SYNPR: variants seen among roughly 807,000 people sequenced by gnomAD.
SYNPR encodes the protein synaptoporin.
Under a neutral mutation model 32.9 loss-of-function variants are expected in SYNPR, and 23 were observed. That is an observed-to-expected ratio of 0.70 (90% CI 0.50 to 0.99). The LOEUF is 0.99. Ranked by LOEUF, SYNPR falls within the 50% of genes least tolerant of loss-of-function variation. The pLI is 0.00. For missense variants in SYNPR, 318 were observed against 349.3 expected, an observed-to-expected ratio of 0.91 and a Z score of 0.71; for synonymous variants, 146 against 135.9, an observed-to-expected ratio of 1.07 and a Z score of -0.52.
intron 3 of SYNPR, among the ~76,000 whole-genome samples, chr3:63,507,045 G>A (rs1214010653): frequency 2.0e-5 from 3 of 152,090 alleles, no homozygotes; most frequent in Non-Finnish European, 2.9e-5. Context: ...AGAAATGATG[G>A]CCGAGGTGGG....
chr3:63,600,216 T>C (rs1349547341), intron 4 of SYNPR, among the ~76,000 whole-genome samples: 1 of 152,194 alleles, frequency 6.6e-6, no homozygotes, highest in African/African-American at 2.4e-5. Flanking sequence ...TGCTGGCGTA[T>C]AGGAAGCACT....
At chr3:63,564,179 G>A (rs962242549) in intron 4 of SYNPR, among the ~76,000 whole-genome samples, 6 of 148,386 alleles carry the variant, frequency 4.0e-5, no homozygotes, top group Admixed American at 6.7e-5. Flanking sequence ...GGTGGGTGGG[G>A]TGTGTGTGTG....
At chr3:63,205,501 G>A in the SYNPR span, among the ~76,000 whole-genome samples, 1 of 152,172 alleles carries the variant, frequency 6.6e-6, no homozygotes, top group African/African-American at 2.4e-5. Context: ...AGGGAGAAGG[G>A]TGCCTCTGAA....
intron 2 of SYNPR, chr3:63,443,008 T>C: frequency 1.0e-6 from 1 of 994,830 alleles, no homozygotes; most frequent in Non-Finnish European, 1.2e-6. Flanking sequence ...GCACTGTGCT[T>C]GCAGGAGGAG....
chr3:63,210,023 A>T, the SYNPR span, among the ~76,000 whole-genome samples: 91 of 149,910 alleles, frequency 6.1e-4, 1 homozygote, highest in Middle Eastern at 3.4e-3. Context: ...ATTAGCTAAA[A>T]TTTTTTTTTT....
intron 4 of SYNPR, among the ~76,000 whole-genome samples, chr3:63,575,451 C>A (rs1702960660): frequency 1.3e-5 from 2 of 152,114 alleles, no homozygotes; most frequent in South Asian, 4.1e-4. Flanking sequence ...CCCTCAGTCA[C>A]CAAGGGGTCT....
the SYNPR span, among the ~76,000 whole-genome samples, chr3:63,222,011 ATTTTTTTTTTTT>A: frequency 3.5e-5 from 2 of 56,410 alleles, no homozygotes; most frequent in African/African-American, 6.0e-5. Context: ...GCCATGCTCA[ATTTTTTTTTTTT>A]TTTTTTTTTT....
chr3:63,443,187 G>A (rs1459652146), intron 2 of SYNPR: 1 of 1,281,518 alleles, frequency 7.8e-7, no homozygotes, highest in Middle Eastern at 3.1e-4. Flanking sequence ...GGAGTATCAG[G>A]TTCCTGTACT....
the SYNPR span, among the ~76,000 whole-genome samples, chr3:63,206,700 G>A: frequency 6.6e-6 from 1 of 152,146 alleles, no homozygotes; most frequent in Non-Finnish European, 1.5e-5. Flanking sequence ...ATGTGAAAAG[G>A]CATGAAAAGT....
At chr3:63,614,374 T>G (rs946100465) in intron 5 of SYNPR, among the ~76,000 whole-genome samples, 1 of 152,224 alleles carries the variant, frequency 6.6e-6, no homozygotes, top group African/African-American at 2.4e-5. Context: ...CAAACCGTTC[T>G]GCTTCCATCA....
At chr3:63,221,374 C>A in the SYNPR span, among the ~76,000 whole-genome samples, 1 of 152,056 alleles carries the variant, frequency 6.6e-6, no homozygotes, top group African/African-American at 2.4e-5. Flanking sequence ...ATTCATTATA[C>A]ATGATTCATT....
intron 3 of SYNPR, among the ~76,000 whole-genome samples, chr3:63,499,882 G>T (rs1170471216): frequency 1.3e-5 from 2 of 150,174 alleles, no homozygotes; most frequent in Non-Finnish European, 3.0e-5. Flanking sequence ...GGAATTCACA[G>T]TTCAGTGAAG....
At chr3:63,295,441 A>G (rs1402192636) in intron 2 of SYNPR, among the ~76,000 whole-genome samples, 1 of 152,208 alleles carries the variant, frequency 6.6e-6, no homozygotes, top group Non-Finnish European at 1.5e-5. Flanking sequence ...GAGCTTCAAA[A>G]AAAGACCCTC....
At chr3:63,417,857 T>A (rs6792591) in intron 2 of SYNPR, among the ~76,000 whole-genome samples, 15,706 of 152,204 alleles carry the variant, frequency 0.1, 1,001 homozygotes, top group South Asian at 0.17. Context: ...GCCCAGCCTA[T>A]GAAACCACTT....
At chr3:63,223,146 C>T in the SYNPR span, among the ~76,000 whole-genome samples, 3 of 151,964 alleles carry the variant, frequency 2.0e-5, no homozygotes, top group Non-Finnish European at 4.4e-5. Flanking sequence ...AAGGGATTCT[C>T]ATCCTGTCCA....
chr3:63,272,285 C>T (rs958752073), intron 3 of SYNPR, among the ~76,000 whole-genome samples: 16 of 152,024 alleles, frequency 1.1e-4, no homozygotes, highest in African/African-American at 3.1e-4. Flanking sequence ...GGAAACTGAA[C>T]GACAAGAGGG....
chr3:63,523,694 A>T (rs72887346), intron 3 of SYNPR, among the ~76,000 whole-genome samples: 5,181 of 152,260 alleles, frequency 0.034, 293 homozygotes, highest in African/African-American at 0.12. Flanking sequence ...AGGCAGAAAG[A>T]AGAAATCTTT....
intron 2 of SYNPR, among the ~76,000 whole-genome samples, chr3:63,279,604 G>A (rs2086609699): frequency 6.6e-6 from 1 of 152,182 alleles, no homozygotes; most frequent in African/African-American, 2.4e-5. Context: ...CACACGTTTC[G>A]TCTTGCTAGG....
intron 2 of SYNPR, among the ~76,000 whole-genome samples, chr3:63,414,249 G>A (rs1363566596): frequency 6.6e-6 from 1 of 152,152 alleles, no homozygotes; most frequent in Non-Finnish European, 1.5e-5. Flanking sequence ...GTAGTTGACA[G>A]TAATTAGTTT....
Sources: allele counts gnomAD v4.1 joint callset (sites outside exome capture counted in the v4.1 genomes callset), GRCh38; gene constraint gnomAD v4.1.1; transcripts MANE v1.5; gene names NCBI Gene and HGNC (gene_info 2026-07-23, HGNC 2026-07-21).